The following SETD1A variants were observed in gnomAD, a reference collection of about 807,000 sequenced individuals.
SETD1A encodes SET domain containing 1A, histone lysine methyltransferase.
Under a neutral mutation model 149.9 loss-of-function variants are expected in SETD1A, and 29 were observed. That is an observed-to-expected ratio of 0.19 (90% confidence interval 0.14 to 0.26). The LOEUF is 0.26. SETD1A is among the 10% of genes least tolerant of loss of function. The pLI is 1.00. For synonymous variants in SETD1A, 1,141 were observed against 968.5 expected (o/e 1.18, Z -3.31); for missense variants, 2,109 against 2,353.1 (o/e 0.90, Z 2.15).
At chr16:30,970,519 C>T (rs1189324298) in intron 12 of SETD1A, among the ~76,000 whole-genome samples, 1 of 152,142 alleles carries the variant, frequency 6.6e-6, no homozygotes, top group Admixed American at 6.5e-5. Context: ...CCACCCACCT[C>T]GGCCTCCCAA....
intron 13 of SETD1A, among the ~76,000 whole-genome samples, chr16:30,977,312 A>G (rs2056296786): frequency 6.6e-6 from 1 of 151,726 alleles, no homozygotes; most frequent in South Asian, 2.1e-4. Flanking sequence ...CCGCCTGGGG[A>G]TGTTAGTGAT....
chr16:30,958,123 G>A (rs1229764458), intron 1 of SETD1A, among the ~76,000 whole-genome samples, 159 bp downstream of exon 1: 2 of 149,820 alleles, frequency 1.3e-5, no homozygotes, highest in African/African-American at 2.4e-5. Flanking sequence ...CGCCGGGAGC[G>A]GGTGAGTGGG....
intron 1 of SETD1A, 118 bp from the exon 2 acceptor site, chr16:30,958,599 T>G (rs1596667237): frequency 1.2e-6 from 1 of 823,904 alleles, no homozygotes; most frequent in Non-Finnish European, 1.9e-6. Flanking sequence ...CGGGTCAGGG[T>G]GAGGGTTGGA....
At chr16:30,966,714 G>A (rs1474004970) in intron 8 of SETD1A, among the ~76,000 whole-genome samples, 170 bp from the exon 9 acceptor site, 2 of 152,178 alleles carry the variant, frequency 1.3e-5, no homozygotes, top group Non-Finnish European at 2.9e-5. Context: ...ACTGGTGGGC[G>A]AAATGACAGA....
rs749167241 is a variant in SETD1A at position 30,964,987 on chromosome 16, C to T, written c.1245C>T (p.Pro415=). 6.8e-6 allele frequency: 11 copies of T among 1,613,966 alleles called. No homozygotes were observed. The highest frequency in any genetic ancestry group is 2.2e-5 in the East Asian group (1 of 44,882). ...CTTCTTACACCTCCTACCTGCCCCC[C>T]GAGCCCAGCCGGCCCACCGACCAGG... The part of the protein sequence containing the change: ...FPPSYTSYLP[P]EPSRPTDQDY... Residue 415 remains proline (P), a synonymous_variant, in exon 7 of 19, where the codon CCC becomes CCT. Transcript: ENST00000262519.
rs753758446 is a variant in SETD1A at position 30,980,213 on chromosome 16, GC to G, written c.4408+21del. On this transcript the variant is annotated intron_variant, in intron 14 of 18. Coordinates refer to ENST00000262519, the MANE Select transcript of SETD1A (RefSeq NM_014712.3). The surrounding 1 kb of genome is among the most constrained non-coding windows in gnomAD (Gnocchi z 7.7). ...CACACAAATATCCTGAGTGTGGGCG[GC>G]CTTCCCCGGGCTTGGGTCCTCCCCC... 2.3e-5 allele frequency: 37 copies of G among 1,576,268 alleles called. No homozygotes were observed. Among genetic ancestry groups the G allele is most frequent in the Non-Finnish European group, 3.2e-5 (37 of 1,159,504 alleles).
Position 30,980,861 on chromosome 16 carries a change from C to T in SETD1A, c.4692+12C>T. The T allele has an allele frequency of 8.7e-6, 6 of 688,330 alleles. No individual in the cohort carries two copies. The highest frequency in any genetic ancestry group is 1.4e-5 in the Non-Finnish European group (6 of 427,284). 42.6% of individuals were successfully genotyped at this position (688,330 alleles called of 1,614,324 possible). ...TCAACCAGCTCAAGGTGAGGCTGGG[C>T]TGCAGGAGGGGCTGGGTGGGGTGGG... On this transcript the variant is annotated intron_variant, in intron 16 of 18. Coordinates refer to ENST00000262519, the MANE Select transcript of SETD1A (RefSeq NM_014712.3). This position sits in a 1 kb window ranked among gnomAD's most constrained non-coding sequence, Gnocchi z 7.7.
intron 17 of SETD1A, among the ~76,000 whole-genome samples, 193 bp downstream of exon 17, chr16:30,981,373 C>G (rs1045546593): frequency 1.3e-5 from 2 of 152,144 alleles, no homozygotes; most frequent in African/African-American, 4.8e-5. Context: ...GATGGCACTG[C>G]TCCCTTTCTT....
chr16:30,984,220 A>T lies in SETD1A; in HGVS notation c.*197A>T. The T allele has an allele frequency of 5.3e-6, 3 of 563,468 alleles. No individual in the cohort carries two copies. The highest frequency in any genetic ancestry group is 2.9e-5 in the East Asian group (1 of 34,110). 34.9% of individuals were successfully genotyped at this position (563,468 alleles called of 1,614,324 possible). Reference sequence around the variant, plus strand: ...GCCTCTCCTGTCACCCCTGCCCACCACCCCCTGATTGTTTTTCTTTGCGGA... The same window carrying T: ...GCCTCTCCTGTCACCCCTGCCCACCTCCCCCTGATTGTTTTTCTTTGCGGA... On this transcript the variant is annotated 3_prime_UTR_variant, in exon 19 of 19. Coordinates refer to ENST00000262519, the MANE Select transcript of SETD1A (RefSeq NM_014712.3).
Position 30,981,207 on chromosome 16 carries a change from C to T in SETD1A, c.4812+27C>T, listed in dbSNP as rs368104972. The T allele has an allele frequency of 9.5e-5, 153 of 1,612,662 alleles. No homozygotes were observed. In the Middle Eastern group the frequency reaches 1.5e-3, roughly 16 times the overall value. On this transcript the variant is annotated intron_variant, in intron 17 of 18. Transcript: ENST00000262519. Reference sequence around the variant, plus strand: ...TGAGGCTGCACTCCCAGCCCCGCCCCGGCTTCTGATGCAACAAGACAGCAT... The same window carrying T: ...TGAGGCTGCACTCCCAGCCCCGCCCTGGCTTCTGATGCAACAAGACAGCAT...
At chr16:30,981,321 G>A in intron 17 of SETD1A, 141 bp downstream of exon 17, 1 of 1,092,390 alleles carries the variant, frequency 9.2e-7, no homozygotes, top group South Asian at 1.5e-5. Flanking sequence ...CCTCCCTCCG[G>A]TGTGGTCAGC....
Position 30,979,832 on chromosome 16 carries a change from C to T in SETD1A, c.4046C>T (p.Pro1349Leu). The change falls in exon 14 of 19, where the codon CCC becomes CTC. Residue 1349 changes from proline (P) to leucine (L), a missense_variant. Around this residue, in one of 8 missense-constraint regions of SETD1A, gnomAD observed 832 missense variants for 815.6 expected, o/e 1.02. Transcript: ENST00000262519. ...GTGGTGGTGGCTGAGGCGGAGGAGC[C>T]CAAGCCGCAGCAACTGCAGCAGCAG... is the stretch of plus-strand genomic sequence containing the variant. ...PEVVVAEAEEPKPQQLQQQRE... is the reference protein window; with the variant it reads ...PEVVVAEAEELKPQQLQQQRE... 6.4e-7 allele frequency: 1 copy of T among 1,551,492 alleles called. No homozygotes were observed. Among genetic ancestry groups the T allele is most frequent in the Non-Finnish European group, 8.7e-7 (1 of 1,155,254 alleles).
rs1475441435 is a variant in SETD1A at position 30,979,393 on chromosome 16, G to A, written c.3607G>A (p.Val1203Met). 2.5e-6 allele frequency: 4 copies of A among 1,611,878 alleles called. No individual in the cohort carries two copies. The East Asian group carries it at 6.7e-5, about 27-fold the overall frequency. ...AGCCTCCCGCAAGGCTCCCCGGGGC[G>A]TGGAGCGGACCATCCGCAACCTGCC... is the stretch of plus-strand genomic sequence containing the variant. ...GPASRKAPRG[V>M]ERTIRNLPLD... is the part of the protein sequence containing the mutation. Residue 1203 changes from valine to methionine, a missense_variant, in exon 14 of 19, where the codon GTG becomes ATG. Coordinates refer to ENST00000262519, the MANE Select transcript of SETD1A (RefSeq NM_014712.3).
At position 30,965,674 on chromosome 16, in the gene SETD1A, C is replaced by T. The variant is rs141636623; in HGVS notation, c.1793C>T (p.Pro598Leu). 4.4e-5 allele frequency: 71 copies of T among 1,609,562 alleles called. No individual in the cohort carries two copies. The African/African-American group carries it at 7.4e-4, about 17-fold the overall frequency. ...DDRGGSPPPA[P>L]TPPQQPPPPP... ...CGGGGTGGCTCACCCCCTCCGGCCC[C>T]GACGCCCCCTCAGCAGCCTCCGCCA... The change falls in exon 8 of 19, where the codon CCG (proline) becomes CTG (leucine). Residue 598 changes from proline to leucine, a missense_variant. By Grantham distance (98) the Pro-to-Leu change is moderately conservative. This residue lies in a region of SETD1A where 431 missense variants were observed against 388.6 expected (regional missense o/e 1.11). Coordinates refer to ENST00000262519, the MANE Select transcript of SETD1A (RefSeq NM_014712.3).
chr16:30,961,423 C>T lies in SETD1A; in HGVS notation c.403C>T (p.Leu135=), dbSNP rs934947125. 7 of 1,614,090 alleles carry T rather than the reference C, an allele frequency of 4.3e-6. No individual in the cohort carries two copies. Among genetic ancestry groups the T allele is most frequent in the East Asian group, 2.2e-5 (1 of 44,900 alleles). The part of the protein sequence containing the change: ...ILLHPRTRKH[L]GLARVLFTST... ...CCTTCACCCCCGTACGCGCAAGCAC[C>T]TGGGCCTGGCCCGTGTGCTCTTCAC... The change falls in exon 4 of 19, where the codon CTG becomes TTG. Residue 135 remains leucine (L), a synonymous_variant. Coordinates refer to ENST00000262519, the MANE Select transcript of SETD1A (RefSeq NM_014712.3). The surrounding 1 kb of genome is among the most constrained non-coding windows in gnomAD (Gnocchi z 4.0).
At position 30,982,304 on chromosome 16, in the gene SETD1A, C is replaced by T. The variant is rs1283963024; in HGVS notation, c.4812+1124C>T. Among the ~76,000 whole-genome samples the T allele has an allele frequency of 3.9e-5, 6 of 151,908 alleles. No homozygotes were observed. In the East Asian group the frequency reaches 1.2e-3, roughly 29 times the overall value. On this transcript the variant is annotated intron_variant, in intron 17 of 18. Transcript: ENST00000262519. ...TCACCTGAGGTCAGGAGTTCGAGAC[C>T]AGCCTGGCCAGCATGCTAAAACCCC... is the stretch of plus-strand genomic sequence containing the variant.
intron 5 of SETD1A, 38 bp downstream of exon 5, chr16:30,963,592 G>A: frequency 1.9e-6 from 3 of 1,592,448 alleles, no homozygotes; most frequent in Non-Finnish European, 2.6e-6. Flanking sequence ...CTAGCCATGT[G>A]GGCATGGTGT....
intron 4 of SETD1A, among the ~76,000 whole-genome samples, chr16:30,963,006 G>C (rs984507818): frequency 3.3e-5 from 5 of 152,144 alleles, no homozygotes; most frequent in African/African-American, 1.2e-4. Context: ...GCTCCTGCAG[G>C]CTCCGTTAGT....
chr16:30,976,780 C>T (rs951289980), intron 13 of SETD1A, among the ~76,000 whole-genome samples: 2 of 151,866 alleles, frequency 1.3e-5, no homozygotes, highest in East Asian at 1.9e-4. Flanking sequence ...GGTAAACAGG[C>T]GTGATTGCCA....
Sources: allele counts gnomAD v4.1 joint callset (sites outside exome capture counted in the v4.1 genomes callset), GRCh38; gene constraint gnomAD v4.1.1; regional missense constraint gnomAD v4.1.1; non-coding constraint Gnocchi (gnomAD v3.1); transcripts MANE v1.5; gene names NCBI Gene and HGNC (gene_info 2026-07-23, HGNC 2026-07-21).